Variants in CFAP58 observed in about 807,000 individuals in gnomAD.
CFAP58 encodes the protein cilia and flagella associated protein 58.
In CFAP58, 88 loss-of-function variants were observed where a neutral mutation model predicts 119.5. That is an observed-to-expected ratio of 0.74 (90% CI 0.62 to 0.88). The LOEUF is 0.88. Among genes scored for constraint, CFAP58 ranks in the 40% least tolerant of loss-of-function variants. The probability of loss-of-function intolerance (pLI) is 0.00; values close to 1 mark genes in which losing one functional copy is unlikely to be tolerated. For synonymous variants in CFAP58, 365 were observed against 366.3 expected, an observed-to-expected ratio of 1.00 and a Z score of 0.04; for missense variants, 990 against 1,021.2, an observed-to-expected ratio of 0.97 and a Z score of 0.42.
At chr10:104,342,151 A>G in the CFAP58 span, among the ~76,000 whole-genome samples, 1 of 152,306 alleles carries the variant, frequency 6.6e-6, no homozygotes, top group East Asian at 1.9e-4. Context: ...GGATATGTGC[A>G]TTTACTATTT....
chr10:104,433,319 C>T (rs138470603), intron 15 of CFAP58, among the ~76,000 whole-genome samples: 71 of 152,274 alleles, frequency 4.7e-4, no homozygotes, highest in African/African-American at 1.6e-3. Context: ...AATTCCTGGC[C>T]TTAAGAGATC....
rs145075577 is a variant in CFAP58, at chr10:104,411,487, T to A, written c.2256+4694T>A. ...GTTTGTTGTGACTGCTGACTTTCAC[T>A]CATGGTGGATTTTTCTTTTTGTGTT... On this transcript the variant is annotated intron_variant, in intron 15 of 17. Coordinates refer to ENST00000369704, the MANE Select transcript of CFAP58 (RefSeq NM_001008723.2). Among the ~76,000 whole-genome samples, 82 of 152,326 alleles carry A rather than the reference T, an allele frequency of 5.4e-4. No individual in the cohort carries two copies. The East Asian group carries it at 0.011, about 21-fold the overall frequency.
At chr10:104,357,984 T>C (rs538018624) in intron 1 of CFAP58, among the ~76,000 whole-genome samples, 27 of 142,312 alleles carry the variant, frequency 1.9e-4, no homozygotes, top group African/African-American at 2.5e-4. Flanking sequence ...TGTACATATG[T>C]ACACATATAT....
chr10:104,420,774 A>G (rs1440618201), intron 15 of CFAP58, among the ~76,000 whole-genome samples: 43 of 124,020 alleles, frequency 3.5e-4, no homozygotes, highest in African/African-American at 1.3e-3. Flanking sequence ...TTTTTTTGAG[A>G]CAGCGTCTCA....
the CFAP58 span, among the ~76,000 whole-genome samples, chr10:104,345,219 G>A: frequency 5.3e-5 from 8 of 151,982 alleles, no homozygotes; most frequent in African/African-American, 1.7e-4. Flanking sequence ...TATCCTTGTT[G>A]CCTATGAGAG....
At chr10:104,357,894 T>TATATGTACACATATATACAC (rs2014584771) in intron 1 of CFAP58, among the ~76,000 whole-genome samples, 1 of 118,330 alleles carries the variant, frequency 8.5e-6, no homozygotes, top group African/African-American at 4.2e-5. Flanking sequence ...TATATAAACA[T>TATATGTACACATATATACAC]ATATGTACAC....
Position 104,394,318 on chromosome 10 carries a change from G to C in CFAP58, c.1674+843G>C, listed in dbSNP as rs144759435. Among the ~76,000 whole-genome samples, 55 of 152,240 alleles carry C rather than the reference G, an allele frequency of 3.6e-4. 1 individual carries two copies. Among genetic ancestry groups the C allele is most frequent in the African/African-American group, 1.3e-3 (52 of 41,534 alleles). ...CTTCTAAGAAAATAATGCCACTTTT[G>C]TTATGAAAATATATGTGCAGAATAC... On this transcript the variant is annotated intron_variant, in intron 11 of 17. Coordinates refer to ENST00000369704, the MANE Select transcript of CFAP58 (RefSeq NM_001008723.2).
chr10:104,442,199 A>G (rs866803114), intron 15 of CFAP58, among the ~76,000 whole-genome samples: 6 of 152,022 alleles, frequency 3.9e-5, no homozygotes, highest in African/African-American at 1.4e-4. Flanking sequence ...TTTTTTTTCA[A>G]TTCTGGAAAA....
chr10:104,368,105 A>G (rs79988991), intron 5 of CFAP58, among the ~76,000 whole-genome samples: 1,628 of 152,402 alleles, frequency 0.011, 38 homozygotes, highest in African/African-American at 0.037. Context: ...CAATTGTTGC[A>G]TATGCGAAGC....
intron 6 of CFAP58, among the ~76,000 whole-genome samples, chr10:104,369,100 T>G (rs900118510): frequency 1.3e-5 from 2 of 152,222 alleles, no homozygotes. Flanking sequence ...GATAACAGTT[T>G]ATACTCCGAT....
At chr10:104,431,506 T>C (rs1174235359) in intron 15 of CFAP58, among the ~76,000 whole-genome samples, 2 of 152,294 alleles carry the variant, frequency 1.3e-5, no homozygotes, top group African/African-American at 2.4e-5. Flanking sequence ...CCCCCTTTTT[T>C]CCCCAAGTTT....
At chr10:104,353,306 G>C (rs1414533888), upstream of CFAP58, 1 of 152,324 alleles carries the variant, frequency 6.6e-6, no homozygotes, top group Non-Finnish European at 1.5e-5. Flanking sequence ...AGCGTCTGTG[G>C]TTTCTCTACT....
At chr10:104,394,923 G>C (rs1010593188) in intron 11 of CFAP58, among the ~76,000 whole-genome samples, 2 of 152,164 alleles carry the variant, frequency 1.3e-5, no homozygotes, top group African/African-American at 2.4e-5. Context: ...TTTAAACATT[G>C]CTTCACCCAT....
chr10:104,428,305 G>A (rs1006965828), intron 15 of CFAP58, among the ~76,000 whole-genome samples: 4 of 152,118 alleles, frequency 2.6e-5, no homozygotes, highest in African/African-American at 9.7e-5. Flanking sequence ...AGTTGTTGGG[G>A]ATGGAAGTCT....
At chr10:104,360,469 G>T (rs139389164) in intron 2 of CFAP58, among the ~76,000 whole-genome samples, 1 of 151,556 alleles carries the variant, frequency 6.6e-6, no homozygotes, top group East Asian at 1.9e-4. Flanking sequence ...GCGGGGGGGA[G>T]GTGTCACACA....
At chr10:104,377,548 G>A (rs1355464596) in intron 8 of CFAP58, among the ~76,000 whole-genome samples, 1 of 152,178 alleles carries the variant, frequency 6.6e-6, no homozygotes, top group Non-Finnish European at 1.5e-5. Flanking sequence ...GGGAATTAGG[G>A]TAAATTTTCC....
the CFAP58 span, among the ~76,000 whole-genome samples, chr10:104,342,065 G>A: frequency 6.6e-6 from 1 of 152,190 alleles, no homozygotes; most frequent in Non-Finnish European, 1.5e-5. Context: ...ATAAGGATTT[G>A]TTTTTCTCAC....
intron 16 of CFAP58, among the ~76,000 whole-genome samples, chr10:104,449,092 T>A (rs1564908149): frequency 6.6e-6 from 1 of 152,236 alleles, no homozygotes; most frequent in Non-Finnish European, 1.5e-5. Context: ...TACCTACTCT[T>A]ATAGGAAATT....
At chr10:104,357,858 CACAT>C (rs1164655812) in intron 1 of CFAP58, among the ~76,000 whole-genome samples, 1,596 of 77,434 alleles carry the variant, frequency 0.021, 75 homozygotes, top group Middle Eastern at 0.056. Context: ...CACATATATA[CACAT>C]ATATACACAT....
Sources: gnomAD v4.1 joint callset for allele counts (sites outside exome capture counted in the v4.1 genomes callset) on GRCh38, gnomAD v4.1.1 for gene constraint, MANE v1.5 for transcripts, NCBI Gene and HGNC (gene_info 2026-07-23, HGNC 2026-07-21) for gene names.